The following IFNGR1 variants were observed in gnomAD, a reference collection of about 807,000 sequenced individuals.
The protein encoded by IFNGR1 is interferon gamma receptor 1, also known as AVP, type 2.
Under a neutral mutation model 35.4 loss-of-function variants are expected in IFNGR1, and 23 were observed. That is an observed-to-expected ratio of 0.65 (90% CI 0.47 to 0.92). The LOEUF is 0.92. Ranked by LOEUF, IFNGR1 falls within the 40% of genes least tolerant of loss-of-function variation. IFNGR1 has a pLI of 0.00. For synonymous variants in IFNGR1, 199 were observed against 209.5 expected (o/e 0.95, Z 0.43); for missense variants, 533 against 583.4 (o/e 0.91, Z 0.89).
intron 1 of IFNGR1, chr6:137,210,069 G>A (rs1272907105): frequency 1.3e-5 from 5 of 384,282 alleles, no homozygotes; most frequent in Non-Finnish European, 2.3e-5. Flanking sequence ...AGTAGTCATG[G>A]GCCAGGTGCG....
chr6:137,212,303 G>A (rs1220109467), intron 1 of IFNGR1, among the ~76,000 whole-genome samples: 4 of 152,150 alleles, frequency 2.6e-5, no homozygotes, highest in African/African-American at 7.2e-5. Flanking sequence ...TGTTGCCCAG[G>A]TTGGAGTGCA....
chr6:137,215,237 G>C, intron 1 of IFNGR1: 1 of 1,539,534 alleles, frequency 6.5e-7, no homozygotes, highest in Non-Finnish European at 8.7e-7. Context: ...ACATCTTTGT[G>C]ATCGTTTAAT....
chr6:137,197,878 C>A lies in IFNGR1; in HGVS notation c.*153G>T. 1.0e-6 allele frequency: 1 copy of A among 963,102 alleles called. No homozygotes were observed. The highest frequency in any genetic ancestry group is 1.6e-6 in the Non-Finnish European group (1 of 643,294). The allele number at this position is 963,102 out of a possible 1,614,324, so 59.7% of individuals were successfully genotyped here. On this transcript the variant is annotated 3_prime_UTR_variant, in exon 7 of 7. Coordinates refer to ENST00000367739, the MANE Select transcript of IFNGR1 (RefSeq NM_000416.3). ...TTACAAGCCAAAAGTGAAAATGCCA[C>A]ACATCCTCTTTACGCTTTCATGTAC...
rs557217199 is a variant in IFNGR1, at chr6:137,204,356, C to T, written c.522G>A (p.Val174=). Residue 174 remains valine, a synonymous_variant, in exon 4 of 7, where the codon GTG becomes GTA. Coordinates refer to ENST00000367739, the MANE Select transcript of IFNGR1 (RefSeq NM_000416.3). ...ETTCYIRVYN[V]YVRMNGSEIQ... ...CCTCACTTCCGTTCATTCTCACATA[C>T]ACATTGTACACCCTAATGTAACAGG... 6.5e-4 allele frequency: 1,052 copies of T among 1,613,832 alleles called. 18 individuals are homozygous for T. The South Asian group carries it at 0.011, about 17-fold the overall frequency.
At chr6:137,211,800 A>G (rs551519623) in intron 1 of IFNGR1, among the ~76,000 whole-genome samples, 1 of 152,320 alleles carries the variant, frequency 6.6e-6, no homozygotes, top group East Asian at 1.9e-4. Context: ...GGTAGAAATA[A>G]AAGTCATTCC....
At position 137,197,941 on chromosome 6, in the gene IFNGR1, C is replaced by A; in HGVS notation, c.*90G>T. 6.4e-7 allele frequency: 1 copy of A among 1,561,142 alleles called. No individual in the cohort carries two copies. Among genetic ancestry groups the A allele is most frequent in the Non-Finnish European group, 8.8e-7 (1 of 1,136,124 alleles). On this transcript the variant is annotated 3_prime_UTR_variant, in exon 7 of 7. Coordinates refer to ENST00000367739, the MANE Select transcript of IFNGR1 (RefSeq NM_000416.3). ...CATTTGGTTGATACCAACTAAGATA[C>A]AATTTCTGAGATCATAATCTTTTCA...
In IFNGR1 at chr6:137,200,188, C is replaced by A. The variant is rs182911045; in HGVS notation, c.861+693G>T. ...ACTACTAACTGTTGAGAGTTCTTAT[C>A]CACTTTAAAGGTAGTTTATAGCAAA... On this transcript the variant is annotated intron_variant, in intron 6 of 6. Transcript: ENST00000367739. 3.3e-5 allele frequency among the ~76,000 whole-genome samples: 5 copies of A among 152,228 alleles called. No homozygotes were observed. In the East Asian group the frequency reaches 9.6e-4, roughly 29 times the overall value.
chr6:137,211,183 C>G (rs929928544), intron 1 of IFNGR1, among the ~76,000 whole-genome samples: 6 of 151,954 alleles, frequency 3.9e-5, no homozygotes, highest in Middle Eastern at 3.2e-3. Context: ...TCCTACAATG[C>G]ATCAGACAGC....
Position 137,203,672 on chromosome 6 carries a change from A to G in IFNGR1, c.560T>C (p.Ile187Thr). 3 of 1,612,772 alleles carry G rather than the reference A, an allele frequency of 1.9e-6. No individual in the cohort carries two copies. In the South Asian group the frequency reaches 3.3e-5, roughly 18 times the overall value. The change falls in exon 5 of 7, where the codon ATA (isoleucine) becomes ACA (threonine). Residue 187 changes from isoleucine (I) to threonine (T), a missense_variant. Physicochemically the swap from Ile to Thr is moderately conservative, Grantham distance 89 (BLOSUM62 -1). Transcript: ENST00000367739. ...ACAATCATCTTCCTTCTGCGTGAGT[A>G]TTTTATACTGGATCTAGATGAAAAA... ...RMNGSEIQYK[I>T]LTQKEDDCDE... is the part of the protein sequence containing the mutation.
chr6:137,209,870 C>A, intron 1 of IFNGR1: 1 of 398,652 alleles, frequency 2.5e-6, no homozygotes. Context: ...AACAATGGAG[C>A]CACACATTCC....
Position 137,204,219 on chromosome 6 carries a change from CTG to C in IFNGR1, c.546+111_546+112del, listed in dbSNP as rs1393759882. 8.9e-6 allele frequency: 8 copies of C among 896,828 alleles called. No individual in the cohort carries two copies. In the African/African-American group the frequency reaches 9.9e-5, roughly 11 times the overall value. 55.6% of individuals were successfully genotyped at this position (896,828 alleles called of 1,614,324 possible). A position where few individuals can be genotyped will look rare whatever the true frequency, so the allele number is the denominator to read the frequency against. ...ATATTTTTCTTATCAAATCTATGAT[CTG>C]TGAGTCTTGCTTGAATATTTATAAG... On this transcript the variant is annotated intron_variant, in intron 4 of 6. Transcript: ENST00000367739.
intron 1 of IFNGR1, chr6:137,209,748 T>C (rs922824369): frequency 2.0e-5 from 8 of 398,350 alleles, no homozygotes; most frequent in African/African-American, 1.0e-4. Context: ...CTGGCTACAA[T>C]GAGGATGGCC....
intron 1 of IFNGR1, among the ~76,000 whole-genome samples, chr6:137,211,588 T>C (rs1192250725): frequency 2.0e-5 from 3 of 152,226 alleles, no homozygotes; most frequent in African/African-American, 4.8e-5. Flanking sequence ...CTGCCATCTC[T>C]GGTTCTCTAA....
intron 1 of IFNGR1, among the ~76,000 whole-genome samples, chr6:137,210,776 G>A (rs1444122585): frequency 6.6e-6 from 1 of 152,132 alleles, no homozygotes; most frequent in African/African-American, 2.4e-5. Flanking sequence ...CTGTCATGAG[G>A]TGTTACTTTC....
chr6:137,201,841 T>G (rs1227365636), intron 5 of IFNGR1, among the ~76,000 whole-genome samples: 1 of 152,204 alleles, frequency 6.6e-6, no homozygotes, highest in Admixed American at 6.5e-5. Flanking sequence ...TGCACAGGAA[T>G]AAAGTCCCCT....
At chr6:137,201,210 G>A (rs1431259590) in intron 5 of IFNGR1, among the ~76,000 whole-genome samples, 3 of 152,190 alleles carry the variant, frequency 2.0e-5, no homozygotes, top group Admixed American at 2.0e-4. Context: ...GTTCTTCCCA[G>A]CTCTGCAATT....
Position 137,207,069 on chromosome 6 carries a change from G to C in IFNGR1, c.94C>G (p.Pro32Ala). The change falls in exon 2 of 7, where the codon CCA becomes GCA. Residue 32 changes from proline to alanine, a missense_variant. By Grantham distance (27) the Pro-to-Ala change is conservative. Transcript: ENST00000367739. Reference sequence around the variant, plus strand: ...TAGGATTCAATTGTAACATTAGTTGGTGTAGGCACTGTAAGAAAATAAAAA... The same window carrying C: ...TAGGATTCAATTGTAACATTAGTTGCTGTAGGCACTGTAAGAAAATAAAAA... ...ADLGPSSVPTPTNVTIESYNM... is the reference protein window; with the variant it reads ...ADLGPSSVPTATNVTIESYNM... The C allele has an allele frequency of 6.2e-7, 1 of 1,613,884 alleles. No individual in the cohort carries two copies. The highest frequency in any genetic ancestry group is 8.5e-7 in the Non-Finnish European group (1 of 1,179,860).
Position 137,198,121 on chromosome 6 carries a change from T to C in IFNGR1, c.1380A>G (p.Pro460=), listed in dbSNP as rs184353830. 17 of 1,614,198 alleles carry C rather than the reference T, an allele frequency of 1.1e-5. No individual in the cohort carries two copies. The highest frequency in any genetic ancestry group is 2.2e-5 in the South Asian group (2 of 91,084). The change falls in exon 7 of 7, where the codon CCA becomes CCG. Residue 460 remains proline, a synonymous_variant. Coordinates refer to ENST00000367739, the MANE Select transcript of IFNGR1 (RefSeq NM_000416.3). ...CCACAAGTAGATCCACTAGCACATG[T>C]GGTTTATCATAACCAAAGGAGGTGG... is the stretch of plus-strand genomic sequence containing the variant. ...KAPTSFGYDK[P]HVLVDLLVDD... is the part of the protein sequence containing the mutation.
At chr6:137,210,070 G>A in intron 1 of IFNGR1, 1 of 384,078 alleles carries the variant, frequency 2.6e-6, no homozygotes, top group East Asian at 3.7e-5. Context: ...GTAGTCATGG[G>A]CCAGGTGCGG....
Sources: gnomAD v4.1 joint callset for allele counts (sites outside exome capture counted in the v4.1 genomes callset) on GRCh38, gnomAD v4.1.1 for gene constraint, MANE v1.5 for transcripts, NCBI Gene and HGNC (gene_info 2026-07-23, HGNC 2026-07-21) for gene names.